Variants in HIF3A observed in about 807,000 individuals in gnomAD.
HIF3A encodes the protein hypoxia-inducible factor 3-alpha.
A neutral mutation model predicts 67.2 loss-of-function variants in HIF3A; 41 were observed. That is an observed-to-expected ratio of 0.61 (90% CI 0.48 to 0.79). The LOEUF is 0.79. Ranked by LOEUF, HIF3A falls within the 30% of genes least tolerant of loss-of-function variation. The pLI is 0.00. For synonymous variants in HIF3A, 356 were observed against 374.8 expected (o/e 0.95, Z 0.58); for missense variants, 855 against 898.0 (o/e 0.95, Z 0.61).
chr19:46,321,895 C>A lies in HIF3A; in HGVS notation c.1264C>A (p.Leu422Met). Residue 422 changes from leucine (L) to methionine (M), a missense_variant, in exon 10 of 15, where the codon CTG becomes ATG. Around this residue, in one of 3 missense-constraint regions of HIF3A, gnomAD observed 638 missense variants for 660.5 expected, o/e 0.97. Coordinates refer to ENST00000377670, the MANE Select transcript of HIF3A (RefSeq NM_152795.4). ...CCTCCGTCGCCTCCTGGGACCCATC[C>A]TGGATGGGGCTTCAGTAGCAGCCAC... is the stretch of plus-strand genomic sequence containing the variant. ...PDLRRLLGPI[L>M]DGASVAATPS... 6.2e-7 allele frequency: 1 copy of A among 1,614,010 alleles called. No homozygotes were observed. Among genetic ancestry groups the A allele is most frequent in the South Asian group, 1.1e-5 (1 of 91,088 alleles).
chr19:46,313,001 G>A, intron 8 of HIF3A: 1 of 991,664 alleles, frequency 1.0e-6, no homozygotes, highest in Non-Finnish European at 1.2e-6. Flanking sequence ...TGTAATCCTA[G>A]CACTTTGGGA....
chr19:46,298,883 A>G (rs1968087277), intron 1 of HIF3A, among the ~76,000 whole-genome samples: 1 of 144,170 alleles, frequency 6.9e-6, no homozygotes, highest in Non-Finnish European at 1.5e-5. Flanking sequence ...TGCTTTTCGT[A>G]AGACGCCCCC....
chr19:46,312,360 C>T, intron 7 of HIF3A, 93 bp downstream of exon 7: 1 of 1,610,276 alleles, frequency 6.2e-7, no homozygotes, highest in Non-Finnish European at 8.5e-7. Context: ...CCAGGATGCA[C>T]TGCCTCCCCA....
Position 46,297,258 on chromosome 19 carries a change from C to T in HIF3A, c.26+156C>T, listed in dbSNP as rs1028266754. Reference sequence around the variant, plus strand: ...GCACATCCCCACCGCACTCTCCACCCTTAGGGACTGCAGGGGTGGGGGATT... The same window carrying T: ...GCACATCCCCACCGCACTCTCCACCTTTAGGGACTGCAGGGGTGGGGGATT... On this transcript the variant is annotated intron_variant, in intron 1 of 14. Transcript: ENST00000377670. The surrounding 1 kb of genome is among the most constrained non-coding windows in gnomAD (Gnocchi z 4.5). Among the ~76,000 whole-genome samples, 2 of 152,068 alleles carry T rather than the reference C, an allele frequency of 1.3e-5. No homozygotes were observed. Among genetic ancestry groups the T allele is most frequent in the Admixed American group, 6.5e-5 (1 of 15,270 alleles).
rs1303808812 is a variant in HIF3A, at chr19:46,342,455, G to A, written c.*2833G>A. On this transcript the variant is annotated 3_prime_UTR_variant, in exon 15 of 15. Transcript: ENST00000377670. ...TCACCATGTTGCCCAGGCTGGTCGC[G>A]AACTACTGAGCTCAAGCAATTCTCC... is the stretch of plus-strand genomic sequence containing the variant. The A allele has an allele frequency of 6.6e-6, 1 of 150,622 alleles. No homozygotes were observed. Among genetic ancestry groups the A allele is most frequent in the East Asian group, 1.9e-4 (1 of 5,140 alleles). 9.3% of individuals were successfully genotyped at this position (150,622 alleles called of 1,614,324 possible).
rs546278136 is a variant in HIF3A, at chr19:46,333,008, C to CTA, written c.1830+1747_1830+1748dup. On this transcript the variant is annotated intron_variant, in intron 13 of 14. Transcript: ENST00000377670. ...GAAAAAAAAAAAAAACAACCTCTCT[C>CTA]TATATATATATATGTATATATGTGT... is the stretch of plus-strand genomic sequence containing the variant. Among the ~76,000 whole-genome samples, 468 of 149,482 alleles carry CTA rather than the reference C, an allele frequency of 3.1e-3. 5 individuals are homozygous for CTA. The highest frequency in any genetic ancestry group is 0.025 in the South Asian group (116 of 4,704).
At position 46,320,552 on chromosome 19, in the gene HIF3A, G is replaced by A. The variant is rs749734403; in HGVS notation, c.1135G>A (p.Asp379Asn). ...TCAGAAGGACACCCCTAACCCTGGG[G>A]ACAGCCTTGGTATGGGGCAGGGCTG... is the stretch of plus-strand genomic sequence containing the variant. The part of the protein sequence containing the change: ...PSQKDTPNPG[D>N]SLDTPGPRIL... The change falls in exon 9 of 15, where the codon GAC (aspartate) becomes AAC (asparagine). Residue 379 changes from aspartate (D) to asparagine (N), a missense_variant. Physicochemically the swap from Asp to Asn is conservative, Grantham distance 23 (BLOSUM62 1). Coordinates refer to ENST00000377670, the MANE Select transcript of HIF3A (RefSeq NM_152795.4). 9 of 1,613,474 alleles carry A rather than the reference G, an allele frequency of 5.6e-6. No homozygotes were observed. The highest frequency in any genetic ancestry group is 1.3e-5 in the African/African-American group (1 of 75,026).
intron 12 of HIF3A, 42 bp downstream of exon 12, chr19:46,329,520 C>A: frequency 9.6e-6 from 14 of 1,462,914 alleles, no homozygotes; most frequent in Non-Finnish European, 1.3e-5. Flanking sequence ...AGCATCCCCT[C>A]ACCCCGTCTT....
Position 46,334,926 on chromosome 19 carries a change from C to T in HIF3A, c.1852C>T (p.Pro618Ser), listed in dbSNP as rs369492311. Residue 618 changes from proline to serine, a missense_variant, in exon 14 of 15, where the codon CCA becomes TCA. By Grantham distance (74) the Pro-to-Ser change is moderately conservative. This residue lies in a region of HIF3A where 199 missense variants were observed against 193.8 expected (regional missense o/e 1.03). Coordinates refer to ENST00000377670, the MANE Select transcript of HIF3A (RefSeq NM_152795.4). Reference protein sequence around the residue: ...LSLSFLLTGGPAPGSLQDPST... With the variant: ...LSLSFLLTGGSAPGSLQDPST... ...ACAGAGTTTCCTTCTGACAGGAGGA[C>T]CAGCCCCAGGGAGCCTGCAGGACCC... The T allele has an allele frequency of 1.2e-6, 2 of 1,609,670 alleles. No individual in the cohort carries two copies. Among genetic ancestry groups the T allele is most frequent in the Middle Eastern group, 1.7e-4 (1 of 6,054 alleles).
intron 10 of HIF3A, among the ~76,000 whole-genome samples, chr19:46,323,558 A>G (rs1395475396): frequency 1.3e-5 from 2 of 152,092 alleles, no homozygotes; most frequent in African/African-American, 4.8e-5. Context: ...CGGCCATGGG[A>G]GTTTGACCCA....
chr19:46,332,031 C>T (rs963748186), intron 13 of HIF3A, among the ~76,000 whole-genome samples: 1 of 152,240 alleles, frequency 6.6e-6, no homozygotes, highest in Middle Eastern at 3.4e-3. Flanking sequence ...AAAGTGCAGA[C>T]ACTAGAATCA....
In HIF3A at chr19:46,339,658, A is replaced by G. The variant is rs1601393454; in HGVS notation, c.*36A>G. On this transcript the variant is annotated 3_prime_UTR_variant, in exon 15 of 15. Transcript: ENST00000377670. ...CTCCCCATCTGCCTTCTCCTCCCCC[A>G]GAAAGGACCTCAACCACACTCCACG... The G allele has an allele frequency of 1.4e-6, 2 of 1,477,194 alleles. No homozygotes were observed. The highest frequency in any genetic ancestry group is 9.3e-7 in the Non-Finnish European group (1 of 1,076,364). The allele number at this position is 1,477,194 out of a possible 1,614,324, so 91.5% of individuals were successfully genotyped here.
intron 8 of HIF3A, chr19:46,313,410 C>T (rs918977072): frequency 3.4e-6 from 2 of 595,454 alleles, no homozygotes; most frequent in Non-Finnish European, 4.1e-6. Context: ...ATTGCTAGAG[C>T]CTGGGGGTTC....
chr19:46,298,498 C>T, intron 1 of HIF3A: 2 of 1,283,598 alleles, frequency 1.6e-6, no homozygotes, highest in South Asian at 1.2e-5. Context: ...CTTCAGCCAA[C>T]GGGGGCCTGG....
At chr19:46,303,774 C>A (rs1382131241) in intron 1 of HIF3A, 124 bp from the exon 2 acceptor site, 25 of 1,492,036 alleles carry the variant, frequency 1.7e-5, no homozygotes, top group Non-Finnish European at 2.2e-5. Context: ...CACATCGAGG[C>A]CTGCGCAGCC....
chr19:46,334,265 T>C (rs1303995229), intron 13 of HIF3A, among the ~76,000 whole-genome samples: 1 of 152,034 alleles, frequency 6.6e-6, no homozygotes, highest in Non-Finnish European at 1.5e-5. Flanking sequence ...CTAATTTTTG[T>C]ATTTTTAGTA....
chr19:46,298,347 T>C, intron 1 of HIF3A: 1 of 1,279,168 alleles, frequency 7.8e-7, no homozygotes, highest in Non-Finnish European at 1.0e-6. Flanking sequence ...GGGGCCCCTC[T>C]TGGCTGAGCT....
intron 8 of HIF3A, among the ~76,000 whole-genome samples, chr19:46,318,012 T>A (rs1970053743): frequency 6.6e-6 from 1 of 151,986 alleles, no homozygotes; most frequent in African/African-American, 2.4e-5. Context: ...ATTTTTGTAT[T>A]TTTAGTAGAG....
intron 12 of HIF3A, among the ~76,000 whole-genome samples, chr19:46,330,087 A>G (rs1435280097): frequency 6.6e-6 from 1 of 151,928 alleles, no homozygotes; most frequent in Non-Finnish European, 1.5e-5. Context: ...AAAAGAAAAG[A>G]AACTGTCTAG....
Sources: allele counts gnomAD v4.1 joint callset (sites outside exome capture counted in the v4.1 genomes callset), GRCh38; gene constraint gnomAD v4.1.1; regional missense constraint gnomAD v4.1.1; non-coding constraint Gnocchi (gnomAD v3.1); transcripts MANE v1.5; gene names NCBI Gene and HGNC (gene_info 2026-07-23, HGNC 2026-07-21).